The following UVRAG variants were observed in gnomAD, a reference collection of about 807,000 sequenced individuals.
UVRAG encodes UV radiation resistance-associated gene protein.
In UVRAG, 19 loss-of-function variants were observed where a neutral mutation model predicts 78.0. That is an observed-to-expected ratio of 0.24 (90% CI 0.17 to 0.36). The LOEUF (loss-of-function observed/expected upper bound fraction) is 0.36. UVRAG is among the 10% of genes least tolerant of loss of function. The probability of loss-of-function intolerance (pLI) is 1.00; values close to 1 mark genes in which losing one functional copy is unlikely to be tolerated. For synonymous variants in UVRAG, 323 were observed against 324.6 expected, an observed-to-expected ratio of 1.00 and a Z score of 0.05; for missense variants, 740 against 853.8, an observed-to-expected ratio of 0.87 and a Z score of 1.66.
intron 6 of UVRAG, among the ~76,000 whole-genome samples, chr11:75,925,688 G>C (rs1028367735): frequency 1.3e-5 from 2 of 152,202 alleles, no homozygotes; most frequent in African/African-American, 4.8e-5. Context: ...TACACAGGGG[G>C]TGGAGAAGGA....
intron 13 of UVRAG, among the ~76,000 whole-genome samples, chr11:76,081,938 C>T (rs893204292): frequency 4.3e-5 from 3 of 69,686 alleles, no homozygotes; most frequent in Non-Finnish European, 1.1e-4. Flanking sequence ...AGAACCAAAG[C>T]AAAAAAAAAA....
At chr11:76,123,076 T>C (rs938701880) in intron 14 of UVRAG, among the ~76,000 whole-genome samples, 2 of 152,290 alleles carry the variant, frequency 1.3e-5, no homozygotes, top group African/African-American at 2.4e-5. Context: ...CCTGATCCCA[T>C]ATTCTTTTTA....
intron 13 of UVRAG, among the ~76,000 whole-genome samples, chr11:76,115,465 T>C (rs759799618): frequency 6.6e-6 from 1 of 152,218 alleles, no homozygotes; most frequent in Non-Finnish European, 1.5e-5. Flanking sequence ...TACAAGATGG[T>C]CCTTACCCTT....
chr11:75,840,162 A>G (rs939755181), intron 1 of UVRAG, among the ~76,000 whole-genome samples: 6 of 151,568 alleles, frequency 4.0e-5, no homozygotes, highest in African/African-American at 9.7e-5. Context: ...TTTTGATCTT[A>G]TGTTTCTAAA....
chr11:76,087,400 G>C (rs144707516), intron 13 of UVRAG, among the ~76,000 whole-genome samples: 1 of 152,038 alleles, frequency 6.6e-6, no homozygotes, highest in African/African-American at 2.4e-5. Context: ...GACTCTGCAC[G>C]CTTCATGTCC....
intron 7 of UVRAG, among the ~76,000 whole-genome samples, chr11:75,965,479 T>A (rs953416830): frequency 3.9e-5 from 6 of 152,130 alleles, no homozygotes; most frequent in African/African-American, 1.4e-4. Flanking sequence ...GCCCAGTTAA[T>A]TTTTTAAAAA....
chr11:75,978,334 C>G (rs1297071286), intron 7 of UVRAG, among the ~76,000 whole-genome samples: 1 of 152,154 alleles, frequency 6.6e-6, no homozygotes, highest in Non-Finnish European at 1.5e-5. Flanking sequence ...GTGAATCTGA[C>G]AATTATGTGT....
At chr11:76,071,875 A>C (rs900634481) in intron 13 of UVRAG, among the ~76,000 whole-genome samples, 34 of 152,266 alleles carry the variant, frequency 2.2e-4, no homozygotes, top group African/African-American at 7.0e-4. Flanking sequence ...ATTTATTGAG[A>C]TGGAGAAAGA....
intron 6 of UVRAG, among the ~76,000 whole-genome samples, chr11:75,953,371 A>G (rs990462875): frequency 6.6e-6 from 1 of 152,180 alleles, no homozygotes; most frequent in Non-Finnish European, 1.5e-5. Context: ...TGGTTTTCTG[A>G]TGCCTTCAGA....
intron 7 of UVRAG, among the ~76,000 whole-genome samples, chr11:75,962,754 A>G (rs1948933591): frequency 1.3e-5 from 2 of 152,132 alleles, no homozygotes; most frequent in African/African-American, 4.8e-5. Flanking sequence ...AAAATGCTGG[A>G]TTTTTAGAAC....
intron 1 of UVRAG, among the ~76,000 whole-genome samples, chr11:75,845,300 T>C (rs1435942180): frequency 6.6e-6 from 1 of 152,232 alleles, no homozygotes; most frequent in Non-Finnish European, 1.5e-5. Flanking sequence ...CACCTGAAGC[T>C]ACCACTGTAG....
At chr11:75,934,137 C>T (rs1262176531) in intron 6 of UVRAG, among the ~76,000 whole-genome samples, 1 of 152,150 alleles carries the variant, frequency 6.6e-6, no homozygotes, top group Non-Finnish European at 1.5e-5. Flanking sequence ...GATACATATA[C>T]ACAATGGAAT....
intron 12 of UVRAG, among the ~76,000 whole-genome samples, chr11:76,019,280 G>A (rs1003973244): frequency 3.3e-5 from 5 of 152,084 alleles, no homozygotes; most frequent in East Asian, 1.9e-4. Flanking sequence ...TCCACAAAAC[G>A]GCTATTTTGA....
At chr11:76,070,875 G>A (rs750322292) in intron 13 of UVRAG, among the ~76,000 whole-genome samples, 4 of 152,172 alleles carry the variant, frequency 2.6e-5, no homozygotes, top group Admixed American at 6.5e-5. Context: ...TACAGTTTCC[G>A]TTGGGGTGAT....
rs373775289 is a variant in UVRAG at position 76,017,032 on chromosome 11, C to T, written c.1226+52C>T. Reference sequence around the variant, plus strand: ...ATTTTAACATCAAGCCAGTATAAAACATGGGGTATAACAAAATACATAAAA... The same window carrying T: ...ATTTTAACATCAAGCCAGTATAAAATATGGGGTATAACAAAATACATAAAA... On this transcript the variant is annotated intron_variant, in intron 12 of 14. Coordinates refer to ENST00000356136, the MANE Select transcript of UVRAG (RefSeq NM_003369.4). 8.7e-6 allele frequency: 12 copies of T among 1,377,570 alleles called. No homozygotes were observed. In the African/African-American group the frequency reaches 1.6e-4, roughly 18 times the overall value. The allele number at this position is 1,377,570 out of a possible 1,614,324, so 85.3% of individuals were successfully genotyped here.
intron 13 of UVRAG, among the ~76,000 whole-genome samples, chr11:76,066,807 T>G (rs1416323140): frequency 3.9e-5 from 6 of 152,214 alleles, no homozygotes; most frequent in Non-Finnish European, 1.5e-5. Context: ...TGTTTTGTTT[T>G]GTTTTCATTG....
intron 14 of UVRAG, among the ~76,000 whole-genome samples, chr11:76,128,081 T>C (rs957295056): frequency 6.6e-6 from 1 of 152,138 alleles, no homozygotes; most frequent in Non-Finnish European, 1.5e-5. Context: ...CAGTAGGCAT[T>C]CATTAGCACT....
chr11:76,083,615 T>C (rs775246690), intron 13 of UVRAG, among the ~76,000 whole-genome samples: 52 of 152,228 alleles, frequency 3.4e-4, no homozygotes, highest in Non-Finnish European at 6.6e-4. Flanking sequence ...ATTGTGGTGG[T>C]CACTCTATAC....
chr11:75,881,278 G>A (rs1946938615), intron 4 of UVRAG, among the ~76,000 whole-genome samples: 1 of 152,170 alleles, frequency 6.6e-6, no homozygotes, highest in Admixed American at 6.5e-5. Flanking sequence ...GCACAGCTTG[G>A]TTTTATACAT....
Sources: gnomAD v4.1 joint callset for allele counts (sites outside exome capture counted in the v4.1 genomes callset) on GRCh38, gnomAD v4.1.1 for gene constraint, MANE v1.5 for transcripts, NCBI Gene and HGNC (gene_info 2026-07-23, HGNC 2026-07-21) for gene names.